Variants in VOPP1 observed in about 807,000 individuals in gnomAD.
VOPP1 encodes the protein WW domain binding protein VOPP1.
In VOPP1, 8 loss-of-function variants were observed where a neutral mutation model predicts 23.5. The observed-to-expected ratio is 0.34, with a 90% confidence interval of 0.20 to 0.61. VOPP1 has a LOEUF of 0.61. Among genes scored for constraint, VOPP1 ranks in the 20% least tolerant of loss-of-function variants. The pLI is 0.78. For missense variants in VOPP1, 174 were observed against 238.1 expected, an observed-to-expected ratio of 0.73 and a Z score of 1.77; for synonymous variants, 83 against 97.3, an observed-to-expected ratio of 0.85 and a Z score of 0.86.
intron 1 of VOPP1, among the ~76,000 whole-genome samples, chr7:55,571,357 A>G (rs1286467132): frequency 6.6e-6 from 1 of 152,272 alleles, no homozygotes; most frequent in Non-Finnish European, 1.5e-5. Flanking sequence ...TAAGGAAGAT[A>G]GTTTCACAAC....
At chr7:55,491,625 C>T (rs1442288356) in intron 4 of VOPP1, among the ~76,000 whole-genome samples, 2 of 152,208 alleles carry the variant, frequency 1.3e-5, no homozygotes, top group Non-Finnish European at 2.9e-5. Context: ...GTCCACACCA[C>T]CCACCACAGT....
At chr7:55,516,556 G>A (rs2129038178) in intron 2 of VOPP1, among the ~76,000 whole-genome samples, 1 of 152,306 alleles carries the variant, frequency 6.6e-6, no homozygotes, top group East Asian at 1.9e-4. Flanking sequence ...GAAATGAAAT[G>A]CAGGGACAGG....
chr7:55,461,069 C>T (rs1452303893), intron 4 of VOPP1, among the ~76,000 whole-genome samples: 1 of 152,010 alleles, frequency 6.6e-6, no homozygotes, highest in African/African-American at 2.4e-5. Flanking sequence ...AAGGAATGAA[C>T]TAATGGCATT....
chr7:55,498,143 G>T (rs536618231), intron 2 of VOPP1, among the ~76,000 whole-genome samples: 2 of 152,246 alleles, frequency 1.3e-5, no homozygotes, highest in Non-Finnish European at 2.9e-5. Flanking sequence ...AGAGGCTGTG[G>T]AGTTAGATAA....
intron 4 of VOPP1, among the ~76,000 whole-genome samples, chr7:55,463,672 T>A (rs1367697308): frequency 3.3e-5 from 5 of 152,086 alleles, no homozygotes; most frequent in African/African-American, 1.2e-4. Context: ...TAGTTGTGGG[T>A]CAAGCCTGCT....
intron 1 of VOPP1, among the ~76,000 whole-genome samples, chr7:55,522,481 A>G (rs1795930282): frequency 6.6e-6 from 1 of 152,236 alleles, no homozygotes; most frequent in Admixed American, 6.5e-5. Flanking sequence ...TTGGCACAGA[A>G]GAGCAATTTC....
At chr7:55,567,465 G>A (rs1247278044) in intron 1 of VOPP1, among the ~76,000 whole-genome samples, 2 of 152,226 alleles carry the variant, frequency 1.3e-5, no homozygotes, top group African/African-American at 4.8e-5. Flanking sequence ...GGACATGATA[G>A]AGTGAGTTCT....
intron 4 of VOPP1, among the ~76,000 whole-genome samples, chr7:55,464,428 A>G (rs1198158745): frequency 1.3e-5 from 2 of 152,038 alleles, no homozygotes; most frequent in South Asian, 2.1e-4. Flanking sequence ...ACCAGTTTCC[A>G]GGTCCCTTGA....
intron 4 of VOPP1, among the ~76,000 whole-genome samples, chr7:55,475,865 G>A (rs2129009604): frequency 6.6e-6 from 1 of 152,368 alleles, no homozygotes; most frequent in Non-Finnish European, 1.5e-5. Context: ...GGTGGGGAAT[G>A]GCATGGGATG....
At chr7:55,497,433 C>T (rs955956291) in intron 3 of VOPP1, among the ~76,000 whole-genome samples, 180 bp downstream of exon 3, 41 of 152,168 alleles carry the variant, frequency 2.7e-4, no homozygotes, top group African/African-American at 9.9e-4. Context: ...TTCCCACAAA[C>T]CCCATGCGTG....
At chr7:55,508,397 A>G (rs1794864797) in intron 2 of VOPP1, among the ~76,000 whole-genome samples, 1 of 152,172 alleles carries the variant, frequency 6.6e-6, no homozygotes, top group Non-Finnish European at 1.5e-5. Flanking sequence ...CCTCCCAAGT[A>G]GCTAAAAATA....
intron 2 of VOPP1, among the ~76,000 whole-genome samples, chr7:55,513,952 A>G (rs1276489528): frequency 6.6e-6 from 1 of 152,318 alleles, no homozygotes; most frequent in African/African-American, 2.4e-5. Context: ...AAGTCACATG[A>G]AACAGTCATC....
intron 4 of VOPP1, among the ~76,000 whole-genome samples, chr7:55,485,077 G>A (rs1793034332): frequency 6.6e-6 from 1 of 152,138 alleles, no homozygotes; most frequent in Non-Finnish European, 1.5e-5. Flanking sequence ...TTTAGGATTA[G>A]CCCTGGGATT....
At chr7:55,566,221 G>GA (rs1037810278) in intron 1 of VOPP1, among the ~76,000 whole-genome samples, 3 of 152,106 alleles carry the variant, frequency 2.0e-5, no homozygotes, top group Admixed American at 6.6e-5. Flanking sequence ...TAATTCTGGG[G>GA]AAAAAACTTT....
At chr7:55,539,206 A>G (rs553203742) in intron 1 of VOPP1, among the ~76,000 whole-genome samples, 1 of 152,220 alleles carries the variant, frequency 6.6e-6, no homozygotes, top group East Asian at 1.9e-4. Context: ...TTAGCCGGGC[A>G]TGGTGGCACA....
chr7:55,441,448 T>C (rs941458103), intron 4 of VOPP1, among the ~76,000 whole-genome samples: 1 of 152,220 alleles, frequency 6.6e-6, no homozygotes, highest in African/African-American at 2.4e-5. Flanking sequence ...TGTGATTCAC[T>C]CACCATGGCA....
At chr7:55,473,446 G>T (rs1239929452) in intron 4 of VOPP1, among the ~76,000 whole-genome samples, 1 of 152,208 alleles carries the variant, frequency 6.6e-6, no homozygotes, top group Non-Finnish European at 1.5e-5. Flanking sequence ...CATTTCTGAA[G>T]TAAGGTCTCC....
chr7:55,462,983 ATATC>A (rs1188725584), intron 4 of VOPP1, among the ~76,000 whole-genome samples: 1 of 152,012 alleles, frequency 6.6e-6, no homozygotes, highest in East Asian at 1.9e-4. Context: ...TTTCTTTATG[ATATC>A]TATCTCTGTT....
chr7:55,461,604 G>C (rs568692157), intron 4 of VOPP1, among the ~76,000 whole-genome samples: 1 of 152,212 alleles, frequency 6.6e-6, no homozygotes, highest in Admixed American at 6.5e-5. Context: ...TTTTAGTAGA[G>C]ACACGGTTTC....
Sources: gnomAD v4.1 joint callset for allele counts (sites outside exome capture counted in the v4.1 genomes callset) on GRCh38, gnomAD v4.1.1 for gene constraint, MANE v1.5 for transcripts, NCBI Gene and HGNC (gene_info 2026-07-23, HGNC 2026-07-21) for gene names.